EHMT1: variants seen among roughly 807,000 people sequenced by gnomAD.
EHMT1 encodes histone-lysine N-methyltransferase EHMT1.
EHMT1 carries 15 observed loss-of-function variants against 147.2 expected under a neutral mutation model. That is an observed-to-expected ratio of 0.10 (90% CI 0.07 to 0.16). EHMT1 has a LOEUF of 0.16. Among genes scored for constraint, EHMT1 ranks in the 10% least tolerant of loss-of-function variants. The probability of loss-of-function intolerance (pLI) is 1.00; values close to 1 mark genes in which losing one functional copy is unlikely to be tolerated. For synonymous variants in EHMT1, 795 were observed against 709.6 expected, an observed-to-expected ratio of 1.12 and a Z score of -1.91; for missense variants, 1,587 against 1,772.4, an observed-to-expected ratio of 0.90 and a Z score of 1.88.
intron 4 of EHMT1, among the ~76,000 whole-genome samples, chr9:137,733,610 G>A (rs1034834759): frequency 1.3e-5 from 2 of 152,310 alleles, no homozygotes; most frequent in African/African-American, 4.8e-5. Context: ...CTGGAACAGT[G>A]TGCGTGCAGC....
intron 4 of EHMT1, among the ~76,000 whole-genome samples, chr9:137,736,485 C>T (rs868279936): frequency 3.3e-5 from 5 of 152,358 alleles, no homozygotes; most frequent in Middle Eastern, 6.8e-3. Flanking sequence ...AGCAGACATA[C>T]AGAGCACTCT....
intron 1 of EHMT1, among the ~76,000 whole-genome samples, chr9:137,677,173 G>C (rs1211382355): frequency 6.6e-6 from 1 of 151,564 alleles, no homozygotes; most frequent in African/African-American, 2.4e-5. Flanking sequence ...TCGCTCTGTC[G>C]CCCAGGCTGG....
At position 137,744,028 on chromosome 9, in the gene EHMT1, T is replaced by C; in HGVS notation, c.1108T>C (p.Phe370Leu). Residue 370 changes from phenylalanine (F) to leucine (L), a missense_variant, in exon 6 of 27, where the codon TTC becomes CTC. Physicochemically the swap from Phe to Leu is conservative, Grantham distance 22. Coordinates refer to ENST00000460843, the MANE Select transcript of EHMT1 (RefSeq NM_024757.5). ...DGHGAEQAAA[F>L]PTEDSRTSKE... ...CCATGGTGCAGAGCAGGCGGCCGCG[T>C]TCCCCACAGAGGACAGCAGGACTTC... is the stretch of plus-strand genomic sequence containing the variant. The C allele has an allele frequency of 6.2e-7, 1 of 1,614,022 alleles. No individual in the cohort carries two copies. The highest frequency in any genetic ancestry group is 8.5e-7 in the Non-Finnish European group (1 of 1,180,004).
intron 1 of EHMT1, among the ~76,000 whole-genome samples, chr9:137,708,334 A>G (rs1221330907): frequency 6.6e-6 from 1 of 152,226 alleles, no homozygotes; most frequent in African/African-American, 2.4e-5. Flanking sequence ...ATCTTTTCAG[A>G]TAATTGCAGC....
chr9:137,703,606 A>G (rs1944018101), intron 1 of EHMT1, among the ~76,000 whole-genome samples: 2 of 152,288 alleles, frequency 1.3e-5, no homozygotes, highest in South Asian at 2.1e-4. Context: ...GCATAGCAAG[A>G]GTGACTTTTA....
chr9:137,725,112 GTGTGGCATTCATGGGGCATTCT>G (rs1482148200), intron 3 of EHMT1, among the ~76,000 whole-genome samples: 2 of 146,488 alleles, frequency 1.4e-5, no homozygotes, highest in Admixed American at 1.4e-4. Context: ...TGGGGCAGGC[GTGTGGCATTCATGGGGCATTCT>G]TGTGGCAGGT....
intron 12 of EHMT1, 191 bp downstream of exon 12, chr9:137,777,035 C>T (rs757072849): frequency 9.1e-5 from 57 of 623,350 alleles, no homozygotes; most frequent in Middle Eastern, 4.4e-4. Context: ...TGCTCTCTTT[C>T]GGTTTGGTTA....
chr9:137,682,374 G>C (rs1942037095), intron 1 of EHMT1, among the ~76,000 whole-genome samples: 1 of 152,186 alleles, frequency 6.6e-6, no homozygotes, highest in South Asian at 2.1e-4. Flanking sequence ...TGTGTTATGT[G>C]AGGAAATACT....
chr9:137,799,014 C>T (rs1413312405), intron 17 of EHMT1, 100 bp downstream of exon 17: 5 of 1,002,694 alleles, frequency 5.0e-6, no homozygotes, highest in Non-Finnish European at 7.8e-6. Flanking sequence ...CCATGGCGTC[C>T]CCTCCCACGC....
intron 3 of EHMT1, among the ~76,000 whole-genome samples, chr9:137,719,096 G>A (rs755019107): frequency 2.6e-5 from 4 of 152,060 alleles, no homozygotes; most frequent in Admixed American, 6.6e-5. Flanking sequence ...TCTATCTTGC[G>A]TTATCTTTCA....
In EHMT1 at chr9:137,782,515, C is replaced by T. The variant is rs1951638880; in HGVS notation, c.2382+118C>T. The T allele has an allele frequency of 7.2e-6, 7 of 973,048 alleles. No homozygotes were observed. The highest frequency in any genetic ancestry group is 2.7e-5 in the East Asian group (1 of 37,534). The allele number at this position is 973,048 out of a possible 1,614,324, so 60.3% of individuals were successfully genotyped here. A position where few individuals can be genotyped will look rare whatever the true frequency, so the allele number is the denominator to read the frequency against. ...GTAAGAGTTCCGTAGTGCTGTGAAT[C>T]GGGCACAGAGTCAGCTTTTCTGCCC... On this transcript the variant is annotated intron_variant, in intron 15 of 26. Coordinates refer to ENST00000460843, the MANE Select transcript of EHMT1 (RefSeq NM_024757.5). This position sits in a 1 kb window ranked among gnomAD's most constrained non-coding sequence, Gnocchi z 5.7.
At chr9:137,693,355 A>T (rs1394353288) in intron 1 of EHMT1, among the ~76,000 whole-genome samples, 1 of 152,120 alleles carries the variant, frequency 6.6e-6, no homozygotes, top group African/African-American at 2.4e-5. Flanking sequence ...CTTAGGCATC[A>T]CCCACAGTCC....
At chr9:137,781,359 C>CGCTGGGAT (rs1564749475) in intron 14 of EHMT1, among the ~76,000 whole-genome samples, 30 of 118,272 alleles carry the variant, frequency 2.5e-4, no homozygotes, top group African/African-American at 9.8e-4. Flanking sequence ...GACGCTGAGA[C>CGCTGGGAT]GTGTGGTGAT....
At position 137,834,761 on chromosome 9, in the gene EHMT1, T is replaced by G; in HGVS notation, c.3717-12T>G. On this transcript the variant is annotated splice_polypyrimidine_tract_variant and intron_variant, in intron 26 of 26. Transcript: ENST00000460843. Reference sequence around the variant, plus strand: ...GATTCGACTTGGAGCCTTGGTTCTGTTCCCTCCCCAGGTTTGACTATGGAG... The same window carrying G: ...GATTCGACTTGGAGCCTTGGTTCTGGTCCCTCCCCAGGTTTGACTATGGAG... 6.2e-7 allele frequency: 1 copy of G among 1,613,404 alleles called. No individual in the cohort carries two copies. Among genetic ancestry groups the G allele is most frequent in the South Asian group, 1.1e-5 (1 of 91,082 alleles).
At chr9:137,623,182 C>T (rs1843041303) in intron 1 of EHMT1, among the ~76,000 whole-genome samples, 1 of 148,938 alleles carries the variant, frequency 6.7e-6, no homozygotes. Flanking sequence ...CACTGCACTC[C>T]AGCCTGGGCG....
At chr9:137,833,854 C>G (rs990547260) in intron 25 of EHMT1, among the ~76,000 whole-genome samples, 2 of 152,260 alleles carry the variant, frequency 1.3e-5, no homozygotes, top group Non-Finnish European at 2.9e-5. Flanking sequence ...CCATTCGCCA[C>G]TGAGTCTTCC....
At chr9:137,712,964 A>G (rs1944878468) in intron 2 of EHMT1, among the ~76,000 whole-genome samples, 1 of 152,184 alleles carries the variant, frequency 6.6e-6, no homozygotes, top group East Asian at 1.9e-4. Context: ...TATGGTTTGA[A>G]GTAGGGGTCC....
chr9:137,682,337 G>C (rs1294470574), intron 1 of EHMT1, among the ~76,000 whole-genome samples: 1 of 152,072 alleles, frequency 6.6e-6, no homozygotes, highest in Admixed American at 6.6e-5. Flanking sequence ...GTGAACTGTT[G>C]TTTTTTCCCC....
At chr9:137,802,889 C>G in intron 18 of EHMT1, 1 of 1,232,236 alleles carries the variant, frequency 8.1e-7, no homozygotes. Context: ...GAGCCCTGAG[C>G]CGGCAGAAGG....
Sources: gnomAD v4.1 joint callset for allele counts (sites outside exome capture counted in the v4.1 genomes callset) on GRCh38, gnomAD v4.1.1 for gene constraint, Gnocchi (gnomAD v3.1) non-coding constraint, MANE v1.5 for transcripts, NCBI Gene and HGNC (gene_info 2026-07-23, HGNC 2026-07-21) for gene names.